Variants in PRSS16 observed in about 807,000 individuals in gnomAD.
The protein encoded by PRSS16 is thymus-specific serine protease.
PRSS16 carries 43 observed loss-of-function variants against 61.7 expected under a neutral mutation model. The observed-to-expected ratio is 0.70, with a 90% CI of 0.55 to 0.90. PRSS16 has a LOEUF of 0.90. Among genes scored for constraint, PRSS16 ranks in the 40% least tolerant of loss-of-function variants. The pLI, the probability that PRSS16 is intolerant of heterozygous loss-of-function variation, is 0.00. For missense variants in PRSS16, 591 were observed against 659.1 expected, an observed-to-expected ratio of 0.90 and a Z score of 1.13; for synonymous variants, 273 against 285.2, an observed-to-expected ratio of 0.96 and a Z score of 0.43.
At chr6:27,253,060 C>G (rs1289867372) in intron 9 of PRSS16, 111 bp downstream of exon 9, 7 of 1,373,174 alleles carry the variant, frequency 5.1e-6, no homozygotes, top group Non-Finnish European at 7.1e-6. Context: ...CTCTCAGGCA[C>G]TGTGTAACCT....
Position 27,250,741 on chromosome 6 carries a change from T to A in PRSS16, c.526T>A (p.Ser176Thr). The change falls in exon 5 of 12, where the codon TCC becomes ACC. Residue 176 changes from serine to threonine, a missense_variant. Ser to Thr is a moderately conservative substitution (Grantham distance 58). Transcript: ENST00000230582. ...TTCCCGCCTCTTTAACATCTCCTCC[T>A]CCAGCCCCTGGATCTGCTTCGGAGG... The part of the protein sequence containing the change: ...ALSRLFNISS[S>T]SPWICFGGSY... 1 of 1,613,706 alleles carries A rather than the reference T, an allele frequency of 6.2e-7. No individual in the cohort carries two copies. The highest frequency in any genetic ancestry group is 1.3e-5 in the African/African-American group (1 of 74,958).
chr6:27,248,447 G>A (rs1444159216), intron 2 of PRSS16, among the ~76,000 whole-genome samples: 1 of 151,946 alleles, frequency 6.6e-6, no homozygotes, highest in Admixed American at 6.6e-5. Context: ...GATATCTATC[G>A]AAAGAAGGAA....
chr6:27,252,746 C>G lies in PRSS16; in HGVS notation c.1009-62C>G, dbSNP rs1288330842. 8 of 1,597,720 alleles carry G rather than the reference C, an allele frequency of 5.0e-6. No individual in the cohort carries two copies. The highest frequency in any genetic ancestry group is 6.0e-6 in the Non-Finnish European group (7 of 1,168,246). The stretch of plus-strand genomic sequence containing the variant: ...TGACCTCTGGGGACATAGGCCTCTG[C>G]ACCCTGGCTTGCTGGGAAGAGAGGA... On this transcript the variant is annotated intron_variant, in intron 8 of 11. Transcript: ENST00000230582. The surrounding 1 kb of genome is among the most constrained non-coding windows in gnomAD (Gnocchi z 4.2).
Position 27,251,421 on chromosome 6 carries a change from GC to G in PRSS16, c.717+158del, listed in dbSNP as rs1759894296. 1 of 1,008,162 alleles carries G rather than the reference GC, an allele frequency of 9.9e-7. No homozygotes were observed. The highest frequency in any genetic ancestry group is 1.4e-6 in the Non-Finnish European group (1 of 711,864). The allele number at this position is 1,008,162 out of a possible 1,614,324, so 62.5% of individuals were successfully genotyped here. The stretch of plus-strand genomic sequence containing the variant: ...ACGCAGGTTTTGGAAGAAGGCGGGA[GC>G]TGACGAAGAGGAGGGGCACCAGGAA... On this transcript the variant is annotated intron_variant, in intron 7 of 11. Coordinates refer to ENST00000230582, the MANE Select transcript of PRSS16 (RefSeq NM_005865.4). This position sits in a 1 kb window ranked among gnomAD's most constrained non-coding sequence, Gnocchi z 5.6.
chr6:27,251,685 T>A lies in PRSS16; in HGVS notation c.718-65T>A. The A allele has an allele frequency of 6.5e-7, 1 of 1,532,520 alleles. No homozygotes were observed. The allele number at this position is 1,532,520 out of a possible 1,614,324, so 94.9% of individuals were successfully genotyped here. ...GTGGGGAACCCAAGGAGGACGCAGG[T>A]CCTGGGTAGGGAAAGCCGAGGCCCA... On this transcript the variant is annotated intron_variant, in intron 7 of 11. Coordinates refer to ENST00000230582, the MANE Select transcript of PRSS16 (RefSeq NM_005865.4). This position sits in a 1 kb window ranked among gnomAD's most constrained non-coding sequence, Gnocchi z 5.6.
chr6:27,255,662 G>C lies in PRSS16; in HGVS notation c.*347G>C, dbSNP rs1263522293. 1.3e-5 allele frequency: 3 copies of C among 229,748 alleles called. No homozygotes were observed. The highest frequency in any genetic ancestry group is 2.3e-5 in the African/African-American group (1 of 43,010). 14.2% of individuals were successfully genotyped at this position (229,748 alleles called of 1,614,324 possible). On this transcript the variant is annotated 3_prime_UTR_variant, in exon 12 of 12. Transcript: ENST00000230582. The surrounding 1 kb of genome is among the most constrained non-coding windows in gnomAD (Gnocchi z 4.4). ...CAGCTCCTGGGTTAGGGGCTTTGCT[G>C]TAAGTTTCTTTTTCTGGACTTTAGA...
Position 27,247,717 on chromosome 6 carries a change from G to A in PRSS16, c.-21G>A. On this transcript the variant is annotated 5_prime_UTR_variant, in exon 1 of 12. Transcript: ENST00000230582. Reference sequence around the variant, plus strand: ...GGATAAGATAAAGGTCCTCCTGGGGGAGAACAGAGTCCCGAACACCATGGC... The same window carrying A: ...GGATAAGATAAAGGTCCTCCTGGGGAAGAACAGAGTCCCGAACACCATGGC... 6.4e-7 allele frequency: 1 copy of A among 1,555,786 alleles called. No homozygotes were observed. Among genetic ancestry groups the A allele is most frequent in the Non-Finnish European group, 8.7e-7 (1 of 1,149,392 alleles).
In PRSS16 at chr6:27,255,731, T is replaced by A; in HGVS notation, c.*416T>A. 1 of 175,530 alleles carries A rather than the reference T, an allele frequency of 5.7e-6. No homozygotes were observed. Among genetic ancestry groups the A allele is most frequent in the Non-Finnish European group, 1.2e-5 (1 of 82,362 alleles). The allele number at this position is 175,530 out of a possible 1,614,324, so 10.9% of individuals were successfully genotyped here. On this transcript the variant is annotated 3_prime_UTR_variant, in exon 12 of 12. Coordinates refer to ENST00000230582, the MANE Select transcript of PRSS16 (RefSeq NM_005865.4). The surrounding 1 kb of genome is among the most constrained non-coding windows in gnomAD (Gnocchi z 4.4). ...TTCTCAGTTTCTCTCACTGTACCCCTTTCCCTCAGTCTCTTCCTCTCTCTT... is the reference window on the plus strand; with the variant it reads ...TTCTCAGTTTCTCTCACTGTACCCCATTCCCTCAGTCTCTTCCTCTCTCTT...
chr6:27,250,668 C>T lies in PRSS16; in HGVS notation c.468-15C>T. On this transcript the variant is annotated splice_polypyrimidine_tract_variant and intron_variant, in intron 4 of 11. Coordinates refer to ENST00000230582, the MANE Select transcript of PRSS16 (RefSeq NM_005865.4). ...CCAGCGATGAGGACCGACCGAGTCC[C>T]CCCTTTGACCCTAGGCTGGCTGATG... 1 of 1,588,792 alleles carries T rather than the reference C, an allele frequency of 6.3e-7. No homozygotes were observed. Among genetic ancestry groups the T allele is most frequent in the Non-Finnish European group, 8.6e-7 (1 of 1,168,950 alleles).
chr6:27,253,982 C>T (rs944930895), intron 9 of PRSS16: 3 of 152,592 alleles, frequency 2.0e-5, no homozygotes, highest in Admixed American at 6.5e-5. Context: ...ATCTTCAAGT[C>T]TCAATAGGGT....
chr6:27,253,708 G>T, intron 9 of PRSS16: 2 of 215,140 alleles, frequency 9.3e-6, no homozygotes, highest in South Asian at 6.4e-5. Context: ...GCAAACTTGG[G>T]CAAGTGACTT....
Position 27,252,898 on chromosome 6 carries a change from G to T in PRSS16, c.1099G>T (p.Gly367Cys). The T allele has an allele frequency of 1.2e-6, 2 of 1,614,182 alleles. No homozygotes were observed. The highest frequency in any genetic ancestry group is 1.7e-6 in the Non-Finnish European group (2 of 1,180,030). Residue 367 changes from glycine (G) to cysteine (C), a missense_variant, in exon 9 of 12, where the codon GGT (glycine) becomes TGT (cysteine). Gly to Cys is a radical substitution (Grantham distance 159). Transcript: ENST00000230582. This position sits in a 1 kb window ranked among gnomAD's most constrained non-coding sequence, Gnocchi z 4.2. ...QLRSTEPQLS[G>C]VGDRQWLYQT... ...GAGGAGCACAGAACCTCAACTGTCT[G>T]GTGTGGGTGACCGGCAGTGGTTGTA...
Position 27,256,586 on chromosome 6 carries a change from T to C in PRSS16, c.*1271T>C, listed in dbSNP as rs1473469553. Reference sequence around the variant, plus strand: ...TCCACTACACTTTAGTTCTGCCTGTTCTTGATCTTTATATAAATGGAAACT... The same window carrying C: ...TCCACTACACTTTAGTTCTGCCTGTCCTTGATCTTTATATAAATGGAAACT... On this transcript the variant is annotated 3_prime_UTR_variant, in exon 12 of 12. Coordinates refer to ENST00000230582, the MANE Select transcript of PRSS16 (RefSeq NM_005865.4). 1 of 152,264 alleles carries C rather than the reference T, an allele frequency of 6.6e-6. No individual in the cohort carries two copies. Among genetic ancestry groups the C allele is most frequent in the East Asian group, 1.9e-4 (1 of 5,200 alleles). The allele number at this position is 152,264 out of a possible 1,614,324, so 9.4% of individuals were successfully genotyped here.
Position 27,251,832 on chromosome 6 carries a change from C to CG in PRSS16, c.802dup (p.Glu268GlyfsTer12). On this transcript the variant is annotated frameshift_variant, in exon 8 of 12. Transcript: ENST00000230582. LOFTEE classifies it high-confidence loss of function. The surrounding 1 kb of genome is among the most constrained non-coding windows in gnomAD (Gnocchi z 5.6). ...GGGGCGGCTCAAGCAGCATTGCGGACGGAGCTGAGCGCTTGCGGGCCCCTG... is the reference window on the plus strand; with the variant it reads ...GGGGCGGCTCAAGCAGCATTGCGGACGGGAGCTGAGCGCTTGCGGGCCCCTG... 1 of 1,611,980 alleles carries CG rather than the reference C, an allele frequency of 6.2e-7. No homozygotes were observed. Among genetic ancestry groups the CG allele is most frequent in the Non-Finnish European group, 8.5e-7 (1 of 1,179,578 alleles).
chr6:27,251,346 C>T lies in PRSS16; in HGVS notation c.717+82C>T. On this transcript the variant is annotated intron_variant, in intron 7 of 11. Transcript: ENST00000230582. This position sits in a 1 kb window ranked among gnomAD's most constrained non-coding sequence, Gnocchi z 5.6. ...CAGGGAAGAGGAGGCCAGAGAAGGGCGAAACCTGCAACGTGGCGGGGTCTA... is the reference window on the plus strand; with the variant it reads ...CAGGGAAGAGGAGGCCAGAGAAGGGTGAAACCTGCAACGTGGCGGGGTCTA... 7 of 1,475,776 alleles carry T rather than the reference C, an allele frequency of 4.7e-6. No homozygotes were observed. Among genetic ancestry groups the T allele is most frequent in the Non-Finnish European group, 6.3e-6 (7 of 1,104,206 alleles). 91.4% of individuals were successfully genotyped at this position (1,475,776 alleles called of 1,614,324 possible). A position where few individuals can be genotyped will look rare whatever the true frequency, so the allele number is the denominator to read the frequency against.
chr6:27,248,187 G>A, intron 2 of PRSS16, 139 bp downstream of exon 2: 1 of 1,088,992 alleles, frequency 9.2e-7, no homozygotes, highest in Non-Finnish European at 1.3e-6. Flanking sequence ...TGTTATGCTT[G>A]CTGTCAGTAT....
In PRSS16 at chr6:27,251,605, G is replaced by GCGGGGGCCTGGGGA; in HGVS notation, c.718-133_718-132insGACGGGGGCCTGGG. On this transcript the variant is annotated intron_variant, in intron 7 of 11. Transcript: ENST00000230582. The surrounding 1 kb of genome is among the most constrained non-coding windows in gnomAD (Gnocchi z 5.6). ...GGGGATTGGGGGCGGGGGCCTGGGGGCGGGGGCCTGGGCCAAGAGCTAGGT... is the reference window on the plus strand; with the variant it reads ...GGGGATTGGGGGCGGGGGCCTGGGGGCGGGGGCCTGGGGACGGGGGCCTGGGCCAAGAGCTAGGT... 1.9e-6 allele frequency: 2 copies of GCGGGGGCCTGGGGA among 1,060,398 alleles called. No individual in the cohort carries two copies. Among genetic ancestry groups the GCGGGGGCCTGGGGA allele is most frequent in the Non-Finnish European group, 2.6e-6 (2 of 771,390 alleles). 65.7% of individuals were successfully genotyped at this position (1,060,398 alleles called of 1,614,324 possible). A position where few individuals can be genotyped will look rare whatever the true frequency, so the allele number is the denominator to read the frequency against.
At chr6:27,253,899 AC>A (rs1759974964) in intron 9 of PRSS16, 1 of 153,956 alleles carries the variant, frequency 6.5e-6, no homozygotes, top group South Asian at 2.0e-4. Flanking sequence ...ACATATTTTA[AC>A]CCTCTTAATA....
chr6:27,250,896 CCCT>C (rs1455440319), intron 5 of PRSS16, 90 bp downstream of exon 5: 1 of 1,553,532 alleles, frequency 6.4e-7, no homozygotes, highest in East Asian at 2.3e-5. Flanking sequence ...CCCACCACGC[CCCT>C]ACCTTCCTCC....
Sources: gnomAD v4.1 joint callset for allele counts (sites outside exome capture counted in the v4.1 genomes callset) on GRCh38, gnomAD v4.1.1 for gene constraint, Gnocchi (gnomAD v3.1) non-coding constraint, MANE v1.5 for transcripts, NCBI Gene and HGNC (gene_info 2026-07-23, HGNC 2026-07-21) for gene names.